CTNND2: variants seen among roughly 807,000 people sequenced by gnomAD.
The protein encoded by CTNND2 is catenin delta-2.
A neutral mutation model predicts 144.4 loss-of-function variants in CTNND2; 22 were observed. The observed-to-expected ratio is 0.15, with a 90% CI of 0.11 to 0.22. The LOEUF is 0.22. Among genes scored for constraint, CTNND2 ranks in the 10% least tolerant of loss-of-function variants. The pLI is 1.00. For missense variants in CTNND2, 1,353 were observed against 1,618.8 expected (o/e 0.84, Z 2.82); for synonymous variants, 751 against 695.6 (o/e 1.08, Z -1.25).
intron 12 of CTNND2, among the ~76,000 whole-genome samples, chr5:11,157,345 C>T (rs1758316073): frequency 6.6e-6 from 1 of 152,214 alleles, no homozygotes; most frequent in Non-Finnish European, 1.5e-5. Flanking sequence ...TTAGCCCAAT[C>T]TCACCTGACT....
At chr5:11,230,263 T>C (rs1310928363) in intron 10 of CTNND2, among the ~76,000 whole-genome samples, 1 of 149,440 alleles carries the variant, frequency 6.7e-6, no homozygotes, top group Non-Finnish European at 1.5e-5. Flanking sequence ...ATATACCTAA[T>C]GCTAGATGAC....
At chr5:10,993,613 GACA>G (rs1738955306) in intron 18 of CTNND2, among the ~76,000 whole-genome samples, 1 of 151,976 alleles carries the variant, frequency 6.6e-6, no homozygotes, top group Admixed American at 6.6e-5. Context: ...TTTTTCCCCT[GACA>G]ACATTTAGAC....
At chr5:11,682,933 T>C (rs1784483984) in intron 2 of CTNND2, among the ~76,000 whole-genome samples, 1 of 152,202 alleles carries the variant, frequency 6.6e-6, no homozygotes, top group Admixed American at 6.5e-5. Flanking sequence ...GGAATTAGAA[T>C]TTGCAAACTC....
rs117505768 is a variant in CTNND2 at position 11,231,678 on chromosome 5, G to A, written c.1761+5013C>T. On this transcript the variant is annotated intron_variant, in intron 10 of 21. Coordinates refer to ENST00000304623, the MANE Select transcript of CTNND2 (RefSeq NM_001332.4). ...TAAAAGTTTGAAAAATTTGAGGCCC[G>A]ATAATGTGATAGAAAAGGAAAACTC... 1.5e-4 allele frequency among the ~76,000 whole-genome samples: 23 copies of A among 152,312 alleles called. No individual in the cohort carries two copies. In the East Asian group the frequency reaches 3.3e-3, roughly 22 times the overall value.
chr5:11,233,140 C>A (rs1377994595), intron 10 of CTNND2, among the ~76,000 whole-genome samples: 1 of 152,124 alleles, frequency 6.6e-6, no homozygotes, highest in East Asian at 1.9e-4. Flanking sequence ...TTCTTCATAG[C>A]AGCATGAGAA....
intron 2 of CTNND2, among the ~76,000 whole-genome samples, chr5:11,639,247 T>A (rs1781869577): frequency 6.6e-6 from 1 of 152,138 alleles, no homozygotes; most frequent in Non-Finnish European, 1.5e-5. Context: ...GTCCACAATG[T>A]CAATAATGCA....
intron 9 of CTNND2, among the ~76,000 whole-genome samples, chr5:11,340,621 T>A (rs1273719457): frequency 1.3e-5 from 2 of 152,200 alleles, no homozygotes; most frequent in Non-Finnish European, 2.9e-5. Flanking sequence ...CTACAAGAAG[T>A]GAATGTAAAG....
At chr5:11,130,319 A>C (rs1755458098) in intron 12 of CTNND2, among the ~76,000 whole-genome samples, 1 of 152,086 alleles carries the variant, frequency 6.6e-6, no homozygotes, top group Admixed American at 6.5e-5. Context: ...CCCTCTTTTG[A>C]TGACGATTAA....
At chr5:11,127,022 C>T (rs534259151) in intron 12 of CTNND2, among the ~76,000 whole-genome samples, 1 of 152,352 alleles carries the variant, frequency 6.6e-6, no homozygotes, top group African/African-American at 2.4e-5. Flanking sequence ...GTGCAAATAC[C>T]ATCCACGCAC....
chr5:11,481,094 C>G (rs573307916), intron 3 of CTNND2, among the ~76,000 whole-genome samples: 3 of 152,128 alleles, frequency 2.0e-5, no homozygotes, highest in Non-Finnish European at 2.9e-5. Flanking sequence ...ATGTCATCAT[C>G]AACACTCATA....
At chr5:11,760,094 T>C (rs1014108460) in intron 1 of CTNND2, among the ~76,000 whole-genome samples, 1 of 151,958 alleles carries the variant, frequency 6.6e-6, no homozygotes, top group Non-Finnish European at 1.5e-5. Flanking sequence ...TCCTTCCTAC[T>C]TTGGAGAAGC....
At chr5:11,581,872 A>G (rs1778462333) in intron 2 of CTNND2, among the ~76,000 whole-genome samples, 1 of 152,188 alleles carries the variant, frequency 6.6e-6, no homozygotes. Context: ...AGGGGAAGGG[A>G]CGGTTTGAAC....
At chr5:11,379,849 C>G (rs1475477050) in intron 7 of CTNND2, among the ~76,000 whole-genome samples, 1 of 152,136 alleles carries the variant, frequency 6.6e-6, no homozygotes, top group South Asian at 2.1e-4. Flanking sequence ...GGATAAAACG[C>G]TAAGTCCATT....
chr5:11,130,206 C>A (rs974270651), intron 12 of CTNND2, among the ~76,000 whole-genome samples: 4 of 152,048 alleles, frequency 2.6e-5, no homozygotes, highest in Middle Eastern at 3.2e-3. Flanking sequence ...GGGCTGGCCG[C>A]GAACACCACT....
intron 2 of CTNND2, among the ~76,000 whole-genome samples, chr5:11,642,085 A>G (rs1258789155): frequency 6.6e-6 from 1 of 152,130 alleles, no homozygotes; most frequent in East Asian, 1.9e-4. Context: ...GTTTCTTAAA[A>G]GTGAAAAAAG....
chr5:11,832,519 C>A (rs1224644423), intron 1 of CTNND2, among the ~76,000 whole-genome samples: 1 of 152,170 alleles, frequency 6.6e-6, no homozygotes, highest in Non-Finnish European at 1.5e-5. Flanking sequence ...AATACTTCAC[C>A]AAAGAAGAGA....
chr5:11,077,695 A>G (rs1405303119), intron 16 of CTNND2, among the ~76,000 whole-genome samples: 3 of 152,168 alleles, frequency 2.0e-5, no homozygotes, highest in African/African-American at 7.2e-5. Flanking sequence ...ATAGGAGACC[A>G]TCTAGGGTGA....
intron 9 of CTNND2, among the ~76,000 whole-genome samples, chr5:11,331,160 A>G (rs1049106565): frequency 6.6e-6 from 1 of 152,212 alleles, no homozygotes; most frequent in Non-Finnish European, 1.5e-5. Flanking sequence ...CTTTTCTAAT[A>G]TAACTGAGCC....
chr5:11,469,293 T>C (rs566825690), intron 3 of CTNND2, among the ~76,000 whole-genome samples: 54 of 152,328 alleles, frequency 3.5e-4, no homozygotes, highest in African/African-American at 1.1e-3. Flanking sequence ...TATTTTTGCA[T>C]GCAGATTGTA....
Sources: gnomAD v4.1 joint callset for allele counts (sites outside exome capture counted in the v4.1 genomes callset) on GRCh38, gnomAD v4.1.1 for gene constraint, MANE v1.5 for transcripts, NCBI Gene and HGNC (gene_info 2026-07-23, HGNC 2026-07-21) for gene names.